The following HID1 variants were observed in gnomAD, a reference collection of about 807,000 sequenced individuals.
HID1 encodes HID1 domain containing, also known as protein HID1.
In HID1, 42 loss-of-function variants were observed where a neutral mutation model predicts 89.7. The ratio of observed to expected loss-of-function variants is 0.47; its 90% CI spans 0.37 to 0.61. HID1 has a LOEUF of 0.61. HID1 is among the 20% of genes least tolerant of loss of function. The pLI is 0.00. For missense variants in HID1, 854 were observed against 1,039.3 expected, an observed-to-expected ratio of 0.82 and a Z score of 2.45; for synonymous variants, 442 against 433.8, an observed-to-expected ratio of 1.02 and a Z score of -0.24.
At chr17:74,957,135 C>G in intron 12 of HID1, among the ~76,000 whole-genome samples, 1 of 151,382 alleles carries the variant, frequency 6.6e-6, no homozygotes, top group Non-Finnish European at 1.5e-5. Flanking sequence ...GAGTTCAGGA[C>G]AAGCCTGGGA....
rs2039654462 is a variant in HID1, at chr17:74,972,003, C to A, written c.66+588G>T. ...GCTCAGTAGGCCTGGGGACAGGGCC[C>A]CCCACCAGGCTGCCTCGCTGCCCGC... On this transcript the variant is annotated intron_variant, in intron 1 of 18. Transcript: ENST00000425042. The surrounding 1 kb of genome is among the most constrained non-coding windows in gnomAD (Gnocchi z 6.4). Among the ~76,000 whole-genome samples the A allele has an allele frequency of 6.6e-6, 1 of 152,196 alleles. No homozygotes were observed. The highest frequency in any genetic ancestry group is 6.5e-5 in the Admixed American group (1 of 15,284).
In HID1 at chr17:74,970,122, G is replaced by A. The variant is rs190129358; in HGVS notation, c.66+2469C>T. Among the ~76,000 whole-genome samples the A allele has an allele frequency of 1.1e-3, 171 of 151,414 alleles. 1 individual carries two copies. The highest frequency in any genetic ancestry group is 3.2e-3 in the African/African-American group (132 of 41,228). ...AGTAGAGACGAGGTTTCTCCATGTCGCTCAGGCTGGTCTCGAACTCCTGAC... is the reference window on the plus strand; with the variant it reads ...AGTAGAGACGAGGTTTCTCCATGTCACTCAGGCTGGTCTCGAACTCCTGAC... On this transcript the variant is annotated intron_variant, in intron 1 of 18. Transcript: ENST00000425042.
intron 16 of HID1, 48 bp downstream of exon 16, chr17:74,952,958 C>T (rs752693089): frequency 6.8e-7 from 1 of 1,468,584 alleles, no homozygotes. Flanking sequence ...TCAGTACCAT[C>T]TGCCCAAACC....
chr17:74,953,149 G>T, intron 15 of HID1, 63 bp from the exon 16 acceptor site: 2 of 1,286,732 alleles, frequency 1.6e-6, no homozygotes, highest in South Asian at 1.3e-5. Context: ...GGAGTGGGGG[G>T]CAATGAGCCC....
In HID1 at chr17:74,953,077, G is replaced by T. The variant is rs780126663; in HGVS notation, c.1981C>A (p.Gln661Lys). 2 of 1,605,878 alleles carry T rather than the reference G, an allele frequency of 1.2e-6. No homozygotes were observed. The highest frequency in any genetic ancestry group is 1.7e-6 in the Non-Finnish European group (2 of 1,177,266). Residue 661 changes from glutamine (Q) to lysine (K), a missense_variant, in exon 16 of 19, where the codon CAG becomes AAG. By Grantham distance (53) the Gln-to-Lys change is moderately conservative. Coordinates refer to ENST00000425042, the MANE Select transcript of HID1 (RefSeq NM_030630.3). ...GGTCGCCGCTGCTCCCTCCATGCCT[G>T]GCTGGGCTCCTGGCCCCCAGAAAGG... ...DGSPAKGEPSQAWREQRRPST... is the reference protein window; with the variant it reads ...DGSPAKGEPSKAWREQRRPST...
chr17:74,960,164 C>T lies in HID1; in HGVS notation c.813G>A (p.Leu271=). Residue 271 remains leucine (L), a synonymous_variant, in exon 7 of 19, where the codon CTG becomes CTA. Coordinates refer to ENST00000425042, the MANE Select transcript of HID1 (RefSeq NM_030630.3). ...PVGYGIPYNH[L]LFSDYREPLV... ...GGGGTTCCCGGTAGTCAGAGAAGAG[C>T]AGGTGGTTGTAGGGGATCCCGTAGC... 1 of 1,613,966 alleles carries T rather than the reference C, an allele frequency of 6.2e-7. No homozygotes were observed.
chr17:74,954,717 T>G, intron 13 of HID1: 10 of 329,490 alleles, frequency 3.0e-5, no homozygotes, highest in Non-Finnish European at 4.0e-5. Context: ...TCTGACTCTC[T>G]TCCCACCTCC....
Position 74,962,020 on chromosome 17 carries a change from G to A in HID1, c.612-31C>T. The stretch of plus-strand genomic sequence containing the variant: ...AGGAGGAAGGGGGAGGGCACCTTAG[G>A]ATCCCAGTCCCCTCTTGGAGGTTCT... On this transcript the variant is annotated intron_variant, in intron 5 of 18. Transcript: ENST00000425042. This position sits in a 1 kb window ranked among gnomAD's most constrained non-coding sequence, Gnocchi z 4.3. 1 of 1,477,064 alleles carries A rather than the reference G, an allele frequency of 6.8e-7. No individual in the cohort carries two copies. The allele number at this position is 1,477,064 out of a possible 1,614,324, so 91.5% of individuals were successfully genotyped here. A position where few individuals can be genotyped will look rare whatever the true frequency, so the allele number is the denominator to read the frequency against.
intron 15 of HID1, 66 bp from the exon 16 acceptor site, chr17:74,953,152 A>G: frequency 7.9e-7 from 1 of 1,269,108 alleles, no homozygotes; most frequent in Non-Finnish European, 1.1e-6. Context: ...GTGGGGGGCA[A>G]TGAGCCCTCT....
At chr17:74,969,093 A>T (rs1468479407) in intron 1 of HID1, among the ~76,000 whole-genome samples, 1 of 152,166 alleles carries the variant, frequency 6.6e-6, no homozygotes, top group Non-Finnish European at 1.5e-5. Context: ...AGGGTCACTG[A>T]GGCCCCTTAG....
chr17:74,963,184 A>C, intron 3 of HID1, 103 bp from the exon 4 acceptor site: 1 of 766,820 alleles, frequency 1.3e-6, no homozygotes, highest in Non-Finnish European at 2.1e-6. Context: ...CCAGGCGGGC[A>C]CCCATGGGCA....
intron 14 of HID1, 99 bp downstream of exon 14, chr17:74,954,039 C>G: frequency 8.5e-7 from 1 of 1,176,412 alleles, no homozygotes; most frequent in Non-Finnish European, 1.2e-6. Context: ...CATACATAAG[C>G]CATGCTCTTT....
chr17:74,964,430 T>G, intron 2 of HID1, 53 bp downstream of exon 2: 1 of 1,565,262 alleles, frequency 6.4e-7, no homozygotes, highest in East Asian at 2.3e-5. Context: ...TGCCTTCTCC[T>G]GCTGTGGGCT....
At chr17:74,968,865 G>A (rs183657271) in intron 1 of HID1, among the ~76,000 whole-genome samples, 5 of 152,336 alleles carry the variant, frequency 3.3e-5, no homozygotes, top group East Asian at 1.9e-4. Flanking sequence ...CAGTGTCACC[G>A]GGGGACTAAA....
rs2039664154 is a variant in HID1, at chr17:74,972,484, G to T, written c.66+107C>A. 5.5e-6 allele frequency: 6 copies of T among 1,082,434 alleles called. No homozygotes were observed. Among genetic ancestry groups the T allele is most frequent in the Admixed American group, 4.9e-5 (2 of 40,970 alleles). 67.1% of individuals were successfully genotyped at this position (1,082,434 alleles called of 1,614,324 possible). On this transcript the variant is annotated intron_variant, in intron 1 of 18. Coordinates refer to ENST00000425042, the MANE Select transcript of HID1 (RefSeq NM_030630.3). The surrounding 1 kb of genome is among the most constrained non-coding windows in gnomAD (Gnocchi z 6.4). ...CGCTGGCCTTGGCGTTACGCTCGGG[G>T]CCCGCCCGTCCCCCCATCTCCCGAC...
Position 74,951,940 on chromosome 17 carries a change from C to A in HID1, c.2268G>T (p.Trp756Cys). ...KYQANSGTAM[W>C]FRTYMWGVIY... ...TGACGCCCCACATGTAGGTGCGGAA[C>A]CACATGGCAGTGCCCGAGTTGGCCT... is the stretch of plus-strand genomic sequence containing the variant. Residue 756 changes from tryptophan to cysteine, a missense_variant, in exon 18 of 19, where the codon TGG becomes TGT. Transcript: ENST00000425042. 1 of 1,556,078 alleles carries A rather than the reference C, an allele frequency of 6.4e-7. No individual in the cohort carries two copies. The highest frequency in any genetic ancestry group is 8.7e-7 in the Non-Finnish European group (1 of 1,150,722).
chr17:74,959,698 C>T lies in HID1; in HGVS notation c.1008+183G>A, dbSNP rs560666724. Among the ~76,000 whole-genome samples the T allele has an allele frequency of 3.6e-4, 55 of 152,330 alleles. No homozygotes were observed. The highest frequency in any genetic ancestry group is 1.2e-3 in the African/African-American group (51 of 41,566). On this transcript the variant is annotated intron_variant, in intron 8 of 18. Coordinates refer to ENST00000425042, the MANE Select transcript of HID1 (RefSeq NM_030630.3). This position sits in a 1 kb window ranked among gnomAD's most constrained non-coding sequence, Gnocchi z 4.6. ...TAGAGGCCTTCCCAGTTACCTCTACCCAGGTGAGGCCATCAGCCCTTCCTG... is the reference window on the plus strand; with the variant it reads ...TAGAGGCCTTCCCAGTTACCTCTACTCAGGTGAGGCCATCAGCCCTTCCTG...
Position 74,959,064 on chromosome 17 carries a change from G to A in HID1, c.1009-13C>T. ...TGAACTGGAAGTCCTGGGGGCGAGGGCAGAGCAGGGGGCCTGTCCAGCCCA... is the reference window on the plus strand; with the variant it reads ...TGAACTGGAAGTCCTGGGGGCGAGGACAGAGCAGGGGGCCTGTCCAGCCCA... On this transcript the variant is annotated splice_polypyrimidine_tract_variant and intron_variant, in intron 8 of 18. Coordinates refer to ENST00000425042, the MANE Select transcript of HID1 (RefSeq NM_030630.3). The surrounding 1 kb of genome is among the most constrained non-coding windows in gnomAD (Gnocchi z 4.6). The A allele has an allele frequency of 6.5e-7, 1 of 1,545,048 alleles. No individual in the cohort carries two copies. The highest frequency in any genetic ancestry group is 8.7e-7 in the Non-Finnish European group (1 of 1,152,576).
chr17:74,958,775 G>A lies in HID1; in HGVS notation c.1150-12C>T. On this transcript the variant is annotated splice_polypyrimidine_tract_variant and intron_variant, in intron 9 of 18. Coordinates refer to ENST00000425042, the MANE Select transcript of HID1 (RefSeq NM_030630.3). This position sits in a 1 kb window ranked among gnomAD's most constrained non-coding sequence, Gnocchi z 5.2. ...AAGAAGAGGAATTTCTAGGGGTGCG[G>A]GGAGGGGCCAAGTGGGCTGAGTTCA... The A allele has an allele frequency of 1.2e-6, 2 of 1,612,926 alleles. No individual in the cohort carries two copies. Among genetic ancestry groups the A allele is most frequent in the Non-Finnish European group, 1.7e-6 (2 of 1,179,418 alleles).
Sources: gnomAD v4.1 joint callset for allele counts (sites outside exome capture counted in the v4.1 genomes callset) on GRCh38, gnomAD v4.1.1 for gene constraint, Gnocchi (gnomAD v3.1) non-coding constraint, MANE v1.5 for transcripts, NCBI Gene and HGNC (gene_info 2026-07-23, HGNC 2026-07-21) for gene names.